FBXL4: variants seen among roughly 807,000 people sequenced by gnomAD.
The protein encoded by FBXL4 is F-box and leucine rich repeat protein 4, also known as F-box/LRR-repeat protein 4.
Under a neutral mutation model 58.9 loss-of-function variants are expected in FBXL4, and 40 were observed. The observed-to-expected ratio is 0.68, with a 90% CI of 0.53 to 0.88. The LOEUF (loss-of-function observed/expected upper bound fraction) is 0.88. Among genes scored for constraint, FBXL4 ranks in the 40% least tolerant of loss-of-function variants. FBXL4 has a pLI of 0.00. For synonymous variants in FBXL4, 263 were observed against 265.5 expected (o/e 0.99, Z 0.09); for missense variants, 676 against 734.4 (o/e 0.92, Z 0.92).
In FBXL4 at chr6:98,920,784, A is replaced by G. The variant is rs1772549271; in HGVS notation, c.513-3065T>C. Reference sequence around the variant, plus strand: ...TCAGTGAAAACAAGAAAACAAACATAAACATACGCACATGTACATATGGGT... The same window carrying G: ...TCAGTGAAAACAAGAAAACAAACATGAACATACGCACATGTACATATGGGT... On this transcript the variant is annotated intron_variant, in intron 4 of 9. Coordinates refer to ENST00000369244, the MANE Select transcript of FBXL4 (RefSeq NM_001278716.2). Among the ~76,000 whole-genome samples, 4 of 151,296 alleles carry G rather than the reference A, an allele frequency of 2.6e-5. 1 individual carries two copies. The South Asian group carries it at 8.3e-4, about 32-fold the overall frequency.
chr6:98,875,470 T>C lies in FBXL4; in HGVS notation c.1647A>G (p.Thr549=), dbSNP rs1407130443. 1.2e-6 allele frequency: 2 copies of C among 1,614,172 alleles called. No homozygotes were observed. Among genetic ancestry groups the C allele is most frequent in the Non-Finnish European group, 1.7e-6 (2 of 1,179,998 alleles). The change falls in exon 9 of 10, where the codon ACA becomes ACG. Residue 549 remains threonine (T), a synonymous_variant. Coordinates refer to ENST00000369244, the MANE Select transcript of FBXL4 (RefSeq NM_001278716.2). The part of the protein sequence containing the change: ...FLTANRSVCD[T]DIDELACNCT... ...AATTACATGCCAATTCATCAATGTC[T>C]GTGTCACACACAGATCTATTAGCTG... is the stretch of plus-strand genomic sequence containing the variant.
chr6:98,881,172 G>A (rs892038062), intron 7 of FBXL4, among the ~76,000 whole-genome samples: 1 of 152,044 alleles, frequency 6.6e-6, no homozygotes, highest in Non-Finnish European at 1.5e-5. Context: ...AACAACCATT[G>A]AGCACCTGTC....
intron 8 of FBXL4, among the ~76,000 whole-genome samples, chr6:98,879,648 C>T (rs1410541043): frequency 2.0e-5 from 3 of 151,908 alleles, no homozygotes; most frequent in Admixed American, 1.3e-4. Context: ...TTTGGGAGGC[C>T]GAGGCGGGCG....
chr6:98,882,805 A>C (rs542743441), intron 7 of FBXL4, among the ~76,000 whole-genome samples: 9 of 152,202 alleles, frequency 5.9e-5, no homozygotes, highest in South Asian at 2.1e-4. Flanking sequence ...GAAATTGTAT[A>C]ATATTCCATT....
intron 7 of FBXL4, among the ~76,000 whole-genome samples, chr6:98,884,327 T>C (rs71564257): frequency 6.6e-6 from 1 of 152,140 alleles, no homozygotes; most frequent in African/African-American, 2.4e-5. Flanking sequence ...GTAAATACCG[T>C]TATTTACCTA....
chr6:98,885,480 C>T (rs1006543184), intron 7 of FBXL4, among the ~76,000 whole-genome samples: 2 of 152,140 alleles, frequency 1.3e-5, no homozygotes, highest in Admixed American at 1.3e-4. Flanking sequence ...CATTGCCCTA[C>T]CTAATGTGGG....
At position 98,873,353 on chromosome 6, in the gene FBXL4, TATA is replaced by T. The variant is rs936743677; in HGVS notation, c.*922_*924del. The stretch of plus-strand genomic sequence containing the variant: ...ATATATATTATCTATAATATGTATA[TATA>T]ATGTGTATATATAATATATATCTCC... On this transcript the variant is annotated 3_prime_UTR_variant, in exon 10 of 10. Coordinates refer to ENST00000369244, the MANE Select transcript of FBXL4 (RefSeq NM_001278716.2). 6.7e-6 allele frequency: 1 copy of T among 148,300 alleles called. No homozygotes were observed. Among genetic ancestry groups the T allele is most frequent in the African/African-American group, 2.4e-5 (1 of 40,832 alleles). The allele number at this position is 148,300 out of a possible 1,614,324, so 9.2% of individuals were successfully genotyped here.
At chr6:98,881,667 A>G (rs1770858489) in intron 7 of FBXL4, among the ~76,000 whole-genome samples, 1 of 152,092 alleles carries the variant, frequency 6.6e-6, no homozygotes, top group South Asian at 2.1e-4. Flanking sequence ...TAAAGCAAAA[A>G]TAATAATAGT....
At chr6:98,875,122 G>A in intron 9 of FBXL4, 1 of 298,138 alleles carries the variant, frequency 3.4e-6, no homozygotes, top group South Asian at 3.9e-5. Context: ...AAAATAGAGA[G>A]CGCAGCTCAT....
intron 1 of FBXL4, among the ~76,000 whole-genome samples, chr6:98,941,467 T>C (rs1773429836): frequency 6.6e-6 from 1 of 152,192 alleles, no homozygotes; most frequent in Non-Finnish European, 1.5e-5. Context: ...TTTAGGATGA[T>C]GTAACTGTTC....
At chr6:98,943,775 A>C (rs910669834) in intron 1 of FBXL4, among the ~76,000 whole-genome samples, 7 of 152,064 alleles carry the variant, frequency 4.6e-5, no homozygotes, top group African/African-American at 1.2e-4. Context: ...TACACACAAA[A>C]CTGACAGAGA....
At chr6:98,912,045 C>T (rs1772099333) in intron 5 of FBXL4, among the ~76,000 whole-genome samples, 1 of 152,020 alleles carries the variant, frequency 6.6e-6, no homozygotes, top group Non-Finnish European at 1.5e-5. Context: ...GCCTCAGGAG[C>T]CCATGCAATC....
intron 7 of FBXL4, among the ~76,000 whole-genome samples, chr6:98,885,248 C>A (rs1040932174): frequency 1.3e-5 from 2 of 152,144 alleles, no homozygotes; most frequent in African/African-American, 4.8e-5. Flanking sequence ...GGATTACAGG[C>A]ATGTGCCACC....
At position 98,935,160 on chromosome 6, in the gene FBXL4, C is replaced by A. The variant is rs114721759; in HGVS notation, c.-308-281G>T. 4.1e-3 allele frequency among the ~76,000 whole-genome samples: 621 copies of A among 151,918 alleles called. 2 individuals are homozygous for A. The highest frequency in any genetic ancestry group is 0.014 in the African/African-American group (596 of 41,296). On this transcript the variant is annotated intron_variant, in intron 1 of 9. Transcript: ENST00000369244. ...GTTACTTCTGCAGAATATGTTCTTT[C>A]TTTCCTAGACTTTCTTTAACAAGCA...
chr6:98,923,870 G>C (rs750036973), intron 4 of FBXL4, among the ~76,000 whole-genome samples: 4 of 151,690 alleles, frequency 2.6e-5, no homozygotes, highest in Non-Finnish European at 4.4e-5. Context: ...GTATTTTCTA[G>C]ATTATTTTTA....
rs1367271946 is a variant in FBXL4, at chr6:98,869,609, AAT to A, written c.*4667_*4668del. On this transcript the variant is annotated 3_prime_UTR_variant, in exon 10 of 10. Transcript: ENST00000369244. ...ATGCCACTGCACTCCAGCCTGGGGC[AAT>A]AGAGTGAGACCCTGTCTCAAATATG... 3.3e-5 allele frequency: 5 copies of A among 152,210 alleles called. No homozygotes were observed. The highest frequency in any genetic ancestry group is 7.3e-5 in the Non-Finnish European group (5 of 68,104). 9.4% of individuals were successfully genotyped at this position (152,210 alleles called of 1,614,324 possible).
In FBXL4 at chr6:98,875,536, T is replaced by G. The variant is rs946841776; in HGVS notation, c.1581A>C (p.Arg527Ser). 9.9e-6 allele frequency: 16 copies of G among 1,614,036 alleles called. No individual in the cohort carries two copies. The highest frequency in any genetic ancestry group is 1.3e-5 in the Non-Finnish European group (15 of 1,180,014). Residue 527 changes from arginine to serine, a missense_variant, in exon 9 of 10, where the codon AGA becomes AGC. Transcript: ENST00000369244. ...TLQSSTGCFT[R>S]LAHQLPNLQK... is the part of the protein sequence containing the mutation. ...GCAAGTTTGGGAGCTGGTGTGCCAG[T>G]CTGGTGAAGCACCCGGTGCTGCTCT...
chr6:98,912,337 T>A (rs538532397), intron 5 of FBXL4, among the ~76,000 whole-genome samples: 4 of 152,054 alleles, frequency 2.6e-5, no homozygotes, highest in South Asian at 2.1e-4. Context: ...GCCACAAATA[T>A]ATTCCTCAAG....
intron 2 of FBXL4, among the ~76,000 whole-genome samples, chr6:98,933,275 G>C (rs2128409120): frequency 6.6e-6 from 1 of 152,136 alleles, no homozygotes; most frequent in Non-Finnish European, 1.5e-5. Context: ...TCTCCTCCCA[G>C]GTTTTCTTCT....
Sources: allele counts gnomAD v4.1 joint callset (sites outside exome capture counted in the v4.1 genomes callset), GRCh38; gene constraint gnomAD v4.1.1; transcripts MANE v1.5; gene names NCBI Gene and HGNC (gene_info 2026-07-23, HGNC 2026-07-21).